Variants in DOCK7 observed in about 807,000 individuals in gnomAD.
DOCK7 encodes the protein dedicator of cytokinesis 7.
DOCK7 carries 138 observed loss-of-function variants against 271.0 expected under a neutral mutation model. The observed-to-expected ratio is 0.51, with a 90% confidence interval of 0.44 to 0.59. The LOEUF is 0.59. DOCK7 is among the 20% of genes least tolerant of loss of function. The pLI is 0.00. For missense variants in DOCK7, 2,066 were observed against 2,592.4 expected (o/e 0.80, Z 4.41); for synonymous variants, 823 against 876.1 (o/e 0.94, Z 1.07).
chr1:62,558,623 G>A (rs1646224025), intron 20 of DOCK7, among the ~76,000 whole-genome samples: 1 of 152,132 alleles, frequency 6.6e-6, no homozygotes, highest in South Asian at 2.1e-4. Flanking sequence ...TATACATCCT[G>A]TAAAATACAA....
Position 62,634,891 on chromosome 1 carries a change from G to C in DOCK7, c.917C>G (p.Ser306Cys). Residue 306 changes from serine (S) to cysteine (C), a missense_variant, in exon 9 of 50, where the codon TCT becomes TGT. By Grantham distance (112) the Ser-to-Cys change is moderately radical (BLOSUM62 -1). This residue lies in a region of DOCK7 where 1,414 missense variants were observed against 1,670.4 expected (regional missense o/e 0.85). Coordinates refer to ENST00000635253, the MANE Select transcript of DOCK7 (RefSeq NM_001367561.1). Reference sequence around the variant, plus strand: ...ACGTAACAACCCTTTCATCTGCTCAGAATTAAGGTCAAAATAAAAGTTTTC... The same window carrying C: ...ACGTAACAACCCTTTCATCTGCTCACAATTAAGGTCAAAATAAAAGTTTTC... ...ISENFYFDLNSEQMKGLLRPH... is the reference protein window; with the variant it reads ...ISENFYFDLNCEQMKGLLRPH... 6.2e-7 allele frequency: 1 copy of C among 1,606,392 alleles called. No homozygotes were observed.
intron 2 of DOCK7, among the ~76,000 whole-genome samples, chr1:62,661,499 T>C (rs1218736515): frequency 6.6e-6 from 1 of 151,946 alleles, no homozygotes; most frequent in Non-Finnish European, 1.5e-5. Context: ...ATATTATACA[T>C]ATATAAATAT....
chr1:62,461,007 A>C (rs1645508431), intron 48 of DOCK7: 1 of 152,168 alleles, frequency 6.6e-6, no homozygotes, highest in African/African-American at 2.4e-5. Flanking sequence ...AAAATCACTA[A>C]GTTTTTAGAT....
At chr1:62,618,919 T>C (rs1447472045) in intron 13 of DOCK7, 51 bp from the exon 14 acceptor site, 1 of 1,529,194 alleles carries the variant, frequency 6.5e-7, no homozygotes, top group African/African-American at 1.4e-5. Context: ...AAAGTCCACG[T>C]TAAACATGTT....
At chr1:62,490,327 C>T (rs1433880720) in intron 41 of DOCK7, among the ~76,000 whole-genome samples, 1 of 151,872 alleles carries the variant, frequency 6.6e-6, no homozygotes, top group East Asian at 1.9e-4. Context: ...CCACCTTGCA[C>T]AGTAATCCTA....
intron 14 of DOCK7, chr1:62,605,966 G>A (rs1650928104): frequency 6.6e-6 from 1 of 151,708 alleles, no homozygotes; most frequent in South Asian, 2.1e-4. Context: ...TTTGTTAAAG[G>A]ATATAGTGCC....
Position 62,529,299 on chromosome 1 carries a change from TAC to T in DOCK7, c.3757_3758del (p.Val1253ThrfsTer5). 6.2e-7 allele frequency: 1 copy of T among 1,610,296 alleles called. No homozygotes were observed. Among genetic ancestry groups the T allele is most frequent in the Non-Finnish European group, 8.5e-7 (1 of 1,178,938 alleles). On this transcript the variant is annotated frameshift_variant, in exon 30 of 50. Coordinates refer to ENST00000635253, the MANE Select transcript of DOCK7 (RefSeq NM_001367561.1). LOFTEE classifies it high-confidence loss of function. ...TACCTGTAAAATCATACAGCTGAGG[TAC>T]AGTTTCCATGATAATACCAATCAGA... ...LPLIGIIMET[V>X]PQLYDFTETH...
chr1:62,527,135 T>A (rs894362836), intron 31 of DOCK7, among the ~76,000 whole-genome samples: 2 of 152,128 alleles, frequency 1.3e-5, no homozygotes, highest in Non-Finnish European at 1.5e-5. Context: ...TGGAAAAAAA[T>A]GTCATTTAAA....
intron 2 of DOCK7, among the ~76,000 whole-genome samples, chr1:62,656,252 C>T (rs1404455103): frequency 6.6e-6 from 1 of 152,016 alleles, no homozygotes; most frequent in Admixed American, 6.5e-5. Context: ...GAAGAAAACA[C>T]AGCAAAATGT....
At chr1:62,502,987 G>C (rs1646829290) in intron 37 of DOCK7, among the ~76,000 whole-genome samples, 1 of 151,588 alleles carries the variant, frequency 6.6e-6, no homozygotes, top group African/African-American at 2.4e-5. Context: ...AGAAAGCAGA[G>C]GTCAAAATCT....
In DOCK7 at chr1:62,552,541, G is replaced by A. The variant is rs1236354428; in HGVS notation, c.2766+191C>T. On this transcript the variant is annotated intron_variant, in intron 22 of 49. Transcript: ENST00000635253. The stretch of plus-strand genomic sequence containing the variant: ...GACAAATTTTAGAATTTTTAGTGGA[G>A]TAGTTTGTAAGAGCAAGCATATTTA... Among the ~76,000 whole-genome samples, 3 of 152,208 alleles carry A rather than the reference G, an allele frequency of 2.0e-5. No individual in the cohort carries two copies. In the East Asian group the frequency reaches 5.8e-4, roughly 29 times the overall value.
At chr1:62,550,678 G>A (rs1463207264) in intron 22 of DOCK7, among the ~76,000 whole-genome samples, 1 of 151,650 alleles carries the variant, frequency 6.6e-6, no homozygotes, top group African/African-American at 2.4e-5. Flanking sequence ...TTCAAGGTTT[G>A]GGAAAGATAA....
intron 14 of DOCK7, chr1:62,609,495 C>G (rs1296696648): frequency 1.3e-5 from 2 of 152,166 alleles, no homozygotes; most frequent in Non-Finnish European, 2.9e-5. Flanking sequence ...ATTAATACTT[C>G]ATGGGATTGT....
Position 62,620,331 on chromosome 1 carries a change from A to T in DOCK7, c.1426-338T>A, listed in dbSNP as rs541251138. On this transcript the variant is annotated intron_variant, in intron 12 of 49. Transcript: ENST00000635253. ...CTCTGTCTCAAAAATAAAAATAAATAAATAAATAAATAAAGATATATATAT... is the reference window on the plus strand; with the variant it reads ...CTCTGTCTCAAAAATAAAAATAAATTAATAAATAAATAAAGATATATATAT... 4.0e-5 allele frequency among the ~76,000 whole-genome samples: 6 copies of T among 151,750 alleles called. No homozygotes were observed. The South Asian group carries it at 1.0e-3, about 26-fold the overall frequency.
chr1:62,471,421 G>A (rs557047538), intron 48 of DOCK7, among the ~76,000 whole-genome samples: 1 of 152,238 alleles, frequency 6.6e-6, no homozygotes, highest in African/African-American at 2.4e-5. Context: ...TAGTACTTTG[G>A]GAGGCTGAGG....
chr1:62,625,033 G>A, intron 12 of DOCK7: 1 of 375,050 alleles, frequency 2.7e-6, no homozygotes, highest in South Asian at 7.2e-5. Context: ...TGCATTATTA[G>A]TCATGGTCAA....
In DOCK7 at chr1:62,513,489, G is replaced by A. The variant is rs1223056056; in HGVS notation, c.4237C>T (p.Arg1413Ter). The change falls in exon 33 of 50, where the codon CGA (arginine) becomes TGA (stop). Residue 1413 changes from arginine (R) to a stop codon, truncating the protein, a stop_gained. Transcript: ENST00000635253. LOFTEE classifies it high-confidence loss of function. ...TACGTACCGAGCTGTCCTCGGCTTC[G>A]CCGTACCATTTCTTGCCTGGCACCT... is the stretch of plus-strand genomic sequence containing the variant. Reference protein sequence around the residue: ...SIGARQEMVRRSRGQLGTYTI... With the variant: ...SIGARQEMVR The A allele has an allele frequency of 1.9e-6, 3 of 1,613,714 alleles. No individual in the cohort carries two copies. Among genetic ancestry groups the A allele is most frequent in the African/African-American group, 1.3e-5 (1 of 74,896 alleles).
chr1:62,475,181 C>T (rs578200756), intron 47 of DOCK7, 27 bp downstream of exon 47: 3 of 1,590,528 alleles, frequency 1.9e-6, no homozygotes, highest in South Asian at 2.3e-5. Flanking sequence ...CAGCTTAAAT[C>T]ACACAGTGCT....
chr1:62,653,573 A>G, intron 4 of DOCK7, 152 bp downstream of exon 4: 1 of 582,856 alleles, frequency 1.7e-6, no homozygotes, highest in Non-Finnish European at 3.0e-6. Context: ...AATCCTAAGG[A>G]GTAAATATCT....
Sources: allele counts gnomAD v4.1 joint callset (sites outside exome capture counted in the v4.1 genomes callset), GRCh38; gene constraint gnomAD v4.1.1; regional missense constraint gnomAD v4.1.1; transcripts MANE v1.5; gene names NCBI Gene and HGNC (gene_info 2026-07-23, HGNC 2026-07-21).